SLC44A5: variants seen among roughly 807,000 people sequenced by gnomAD.
The protein encoded by SLC44A5 is choline transporter-like protein 5.
SLC44A5 carries 57 observed loss-of-function variants against 101.8 expected under a neutral mutation model. The ratio of observed to expected loss-of-function variants is 0.56; its 90% CI spans 0.45 to 0.70. The LOEUF (loss-of-function observed/expected upper bound fraction) is 0.70, where lower values mean the gene tolerates loss of function less well. Among genes scored for constraint, SLC44A5 ranks in the 30% least tolerant of loss-of-function variants. The pLI, the probability that SLC44A5 is intolerant of heterozygous loss-of-function variation, is 0.00. For missense variants in SLC44A5, 737 were observed against 853.1 expected, an observed-to-expected ratio of 0.86 and a Z score of 1.70; for synonymous variants, 281 against 290.9, an observed-to-expected ratio of 0.97 and a Z score of 0.35.
chr1:75,678,508 A>G, the SLC44A5 span, among the ~76,000 whole-genome samples: 22 of 150,910 alleles, frequency 1.5e-4, no homozygotes, highest in African/African-American at 5.4e-4. Context: ...GCACACTGAC[A>G]CCTCACACTG....
At chr1:75,686,597 T>C in the SLC44A5 span, among the ~76,000 whole-genome samples, 2 of 152,212 alleles carry the variant, frequency 1.3e-5, no homozygotes, top group African/African-American at 4.8e-5. Context: ...TCACAGCGAT[T>C]ATTGAAGGGA....
At chr1:75,323,155 T>G (rs990014091) in intron 4 of SLC44A5, among the ~76,000 whole-genome samples, 14 of 145,906 alleles carry the variant, frequency 9.6e-5, no homozygotes, top group Non-Finnish European at 1.2e-4. Flanking sequence ...TGTGTTCTCA[T>G]TGTTCAATTC....
At chr1:75,449,870 G>A (rs182850439) in intron 2 of SLC44A5, among the ~76,000 whole-genome samples, 5 of 152,082 alleles carry the variant, frequency 3.3e-5, no homozygotes, top group Non-Finnish European at 5.9e-5. Context: ...GCATGCTGGC[G>A]CATGCCTGTA....
At chr1:75,418,806 T>C (rs544578412) in intron 2 of SLC44A5, among the ~76,000 whole-genome samples, 67 of 152,198 alleles carry the variant, frequency 4.4e-4, no homozygotes, top group Non-Finnish European at 7.9e-4. Context: ...AATTTTTGAA[T>C]TGATTAAAAG....
At chr1:75,216,103 C>T (rs1646956835) in intron 18 of SLC44A5, among the ~76,000 whole-genome samples, 1 of 151,904 alleles carries the variant, frequency 6.6e-6, no homozygotes, top group Admixed American at 6.6e-5. Flanking sequence ...AATTCTATGC[C>T]CTTCAACAGT....
intron 2 of SLC44A5, among the ~76,000 whole-genome samples, chr1:75,452,996 CA>C (rs1665990385): frequency 6.6e-6 from 1 of 152,020 alleles, no homozygotes; most frequent in Non-Finnish European, 1.5e-5. Flanking sequence ...AGAAAACTAA[CA>C]AAGAAATTCT....
At chr1:75,531,139 A>G (rs1202240800) in intron 2 of SLC44A5, among the ~76,000 whole-genome samples, 1 of 152,234 alleles carries the variant, frequency 6.6e-6, no homozygotes, top group Non-Finnish European at 1.5e-5. Context: ...AAGCAGCTAC[A>G]CAACACAGCT....
chr1:75,349,053 A>T (rs1433924820), intron 3 of SLC44A5, among the ~76,000 whole-genome samples: 1 of 152,218 alleles, frequency 6.6e-6, no homozygotes, highest in Non-Finnish European at 1.5e-5. Flanking sequence ...GAAAAATATT[A>T]AAAAATAATT....
the SLC44A5 span, among the ~76,000 whole-genome samples, chr1:75,694,050 G>A: frequency 1.2e-4 from 18 of 151,308 alleles, no homozygotes; most frequent in African/African-American, 4.4e-4. Context: ...AAATGGAGTT[G>A]AGTTTTTTTA....
the SLC44A5 span, among the ~76,000 whole-genome samples, chr1:75,644,537 T>C: frequency 6.6e-6 from 1 of 151,874 alleles, no homozygotes; most frequent in Admixed American, 6.6e-5. Flanking sequence ...GATTTATTTC[T>C]TCACCCATCA....
chr1:75,214,203 A>G (rs1278245952), intron 20 of SLC44A5, among the ~76,000 whole-genome samples: 1 of 152,044 alleles, frequency 6.6e-6, no homozygotes, highest in Non-Finnish European at 1.5e-5. Context: ...GGCTGTCAGG[A>G]GCCCTGCAGT....
At chr1:75,446,440 G>C (rs1202105478) in intron 2 of SLC44A5, among the ~76,000 whole-genome samples, 1 of 152,058 alleles carries the variant, frequency 6.6e-6, no homozygotes, top group African/African-American at 2.4e-5. Context: ...TTGAGTCTCT[G>C]CCTAAATATC....
intron 11 of SLC44A5, 75 bp from the exon 12 acceptor site, chr1:75,234,173 T>A: frequency 1.1e-6 from 1 of 949,800 alleles, no homozygotes. Flanking sequence ...AGACAAAACT[T>A]TTTTTCTATT....
At chr1:75,479,894 C>T (rs1570406670) in intron 2 of SLC44A5, among the ~76,000 whole-genome samples, 3 of 152,334 alleles carry the variant, frequency 2.0e-5, no homozygotes, top group Admixed American at 2.0e-4. Context: ...CTCCCTAACT[C>T]ATTTGAGGAG....
chr1:75,336,853 A>G (rs183575422), intron 4 of SLC44A5, among the ~76,000 whole-genome samples: 1 of 152,332 alleles, frequency 6.6e-6, no homozygotes, highest in Non-Finnish European at 1.5e-5. Flanking sequence ...CTTGAAAAAT[A>G]GTATGAGGTG....
intron 23 of SLC44A5, chr1:75,204,708 G>A (rs1319236198): frequency 6.6e-6 from 1 of 152,104 alleles, no homozygotes. Flanking sequence ...GACTGGTCTG[G>A]AACTCCTAGG....
At chr1:75,470,151 A>G (rs1367997240) in intron 2 of SLC44A5, among the ~76,000 whole-genome samples, 2 of 152,160 alleles carry the variant, frequency 1.3e-5, no homozygotes, top group Non-Finnish European at 2.9e-5. Flanking sequence ...TTTTCATAAC[A>G]ACCAAGCTTT....
intron 3 of SLC44A5, among the ~76,000 whole-genome samples, chr1:75,374,131 T>C (rs532736273): frequency 4.3e-4 from 65 of 152,338 alleles, no homozygotes; most frequent in African/African-American, 1.4e-3. Context: ...CAAGTCTAGC[T>C]GGTTGGGCCT....
intron 11 of SLC44A5, among the ~76,000 whole-genome samples, chr1:75,235,903 T>C (rs1011531506): frequency 6.6e-6 from 1 of 152,048 alleles, no homozygotes; most frequent in Non-Finnish European, 1.5e-5. Flanking sequence ...AAACACAGAA[T>C]GGTAGGTGCT....
Sources: gnomAD v4.1 joint callset for allele counts (sites outside exome capture counted in the v4.1 genomes callset) on GRCh38, gnomAD v4.1.1 for gene constraint, MANE v1.5 for transcripts, NCBI Gene and HGNC (gene_info 2026-07-23, HGNC 2026-07-21) for gene names.